RGS20: variants seen among roughly 807,000 people sequenced by gnomAD.
The protein encoded by RGS20 is gz-selective GTPase-activating protein.
Under a neutral mutation model 33.6 loss-of-function variants are expected in RGS20, and 30 were observed. The ratio of observed to expected loss-of-function variants is 0.89; its 90% CI spans 0.67 to 1.21. RGS20 has a LOEUF of 1.21. Among genes scored for constraint, RGS20 ranks in the 50% most tolerant of loss-of-function variants. The pLI, the probability that RGS20 is intolerant of heterozygous loss-of-function variation, is 0.00. For synonymous variants in RGS20, 208 were observed against 197.9 expected (o/e 1.05, Z -0.43); for missense variants, 472 against 502.4 (o/e 0.94, Z 0.58).
intron 1 of RGS20, among the ~76,000 whole-genome samples, chr8:53,861,794 A>G (rs1427326545): frequency 6.6e-6 from 1 of 152,242 alleles, no homozygotes; most frequent in Non-Finnish European, 1.5e-5. Flanking sequence ...AAATCCAGGT[A>G]CTATTGCTTC....
chr8:53,910,103 T>C (rs1232213357), intron 2 of RGS20, among the ~76,000 whole-genome samples: 1 of 152,214 alleles, frequency 6.6e-6, no homozygotes, highest in East Asian at 1.9e-4. Flanking sequence ...GATACATTAT[T>C]AGTTCTTTAA....
chr8:53,877,959 G>A lies in RGS20; in HGVS notation c.166-1299G>A, dbSNP rs1017059965. 6.6e-6 allele frequency among the ~76,000 whole-genome samples: 1 copy of A among 152,170 alleles called. No homozygotes were observed. The highest frequency in any genetic ancestry group is 2.1e-4 in the South Asian group (1 of 4,826). On this transcript the variant is annotated intron_variant, in intron 1 of 5. Coordinates refer to ENST00000297313, the MANE Select transcript of RGS20 (RefSeq NM_170587.4). This position sits in a 1 kb window ranked among gnomAD's most constrained non-coding sequence, Gnocchi z 5.7. ...GGTGACTGCGGAGTGAGGGAACCGCGCCAGGCCCACGAGGCCGCTCGCGAC... is the reference window on the plus strand; with the variant it reads ...GGTGACTGCGGAGTGAGGGAACCGCACCAGGCCCACGAGGCCGCTCGCGAC...
intron 4 of RGS20, among the ~76,000 whole-genome samples, chr8:53,953,666 A>G (rs989280599): frequency 2.0e-5 from 3 of 152,224 alleles, no homozygotes; most frequent in Non-Finnish European, 4.4e-5. Context: ...CTATTGTTCC[A>G]GAGGTTTAAT....
intron 2 of RGS20, among the ~76,000 whole-genome samples, chr8:53,920,741 A>T (rs555353516): frequency 1.3e-5 from 2 of 152,126 alleles, no homozygotes; most frequent in East Asian, 3.9e-4. Flanking sequence ...TTTATCATGA[A>T]ATGCATTAGA....
chr8:53,903,662 C>T (rs1417999752), intron 2 of RGS20, among the ~76,000 whole-genome samples: 1 of 152,178 alleles, frequency 6.6e-6, no homozygotes, highest in African/African-American at 2.4e-5. Flanking sequence ...TGTCCCTTGG[C>T]CTTGCCTACC....
At chr8:53,880,541 C>G (rs1009545489) in intron 2 of RGS20, among the ~76,000 whole-genome samples, 1 of 152,150 alleles carries the variant, frequency 6.6e-6, no homozygotes, top group African/African-American at 2.4e-5. Context: ...CGCCCACCCC[C>G]GCTCCTTCCT....
At position 53,909,654 on chromosome 8, in the gene RGS20, A is replaced by G. The variant is rs146072432; in HGVS notation, c.511-29922A>G. On this transcript the variant is annotated intron_variant, in intron 2 of 5. Coordinates refer to ENST00000297313, the MANE Select transcript of RGS20 (RefSeq NM_170587.4). Reference sequence around the variant, plus strand: ...AATTTGGAGATATATTAATGTTCCTATGGCAGAATGATATCATAGTCCTGG... The same window carrying G: ...AATTTGGAGATATATTAATGTTCCTGTGGCAGAATGATATCATAGTCCTGG... 1.5e-3 allele frequency among the ~76,000 whole-genome samples: 228 copies of G among 152,312 alleles called. 1 individual carries two copies. Among genetic ancestry groups the G allele is most frequent in the Admixed American group, 4.6e-3 (71 of 15,300 alleles).
chr8:53,953,300 C>T (rs118149714), intron 4 of RGS20, among the ~76,000 whole-genome samples: 3 of 152,136 alleles, frequency 2.0e-5, no homozygotes, highest in Non-Finnish European at 4.4e-5. Context: ...GTGGGCAGAT[C>T]GCTTGAGCCC....
chr8:53,888,197 T>C (rs531744022), intron 2 of RGS20, among the ~76,000 whole-genome samples: 13 of 152,306 alleles, frequency 8.5e-5, no homozygotes, highest in Admixed American at 3.3e-4. Flanking sequence ...AGTTTAATTC[T>C]TCCTGACCTA....
chr8:53,933,868 G>A (rs1814048500), intron 2 of RGS20, among the ~76,000 whole-genome samples: 2 of 152,130 alleles, frequency 1.3e-5, no homozygotes, highest in Non-Finnish European at 2.9e-5. Flanking sequence ...GAAAGGTCGG[G>A]TTACCCACAA....
Position 53,939,578 on chromosome 8 carries a change from G to C in RGS20, c.513G>C (p.Gln171His). The change falls in exon 3 of 6, where the codon CAG becomes CAC. Residue 171 changes from glutamine to histidine, a missense_variant and splice_region_variant. Transcript: ENST00000297313. The stretch of plus-strand genomic sequence containing the variant: ...CTTTGTTCCTCTCCCTCTTGCAGCA[G>C]ATGGGATCAGAGCGGATGGAGATGC... 1 of 1,564,368 alleles carries C rather than the reference G, an allele frequency of 6.4e-7. No homozygotes were observed. Among genetic ancestry groups the C allele is most frequent in the Non-Finnish European group, 8.7e-7 (1 of 1,153,846 alleles).
intron 1 of RGS20, among the ~76,000 whole-genome samples, chr8:53,858,693 T>C (rs1016231696): frequency 4.0e-4 from 61 of 151,878 alleles, no homozygotes; most frequent in African/African-American, 1.4e-3. Flanking sequence ...ATGATACTGA[T>C]TCACCCTGGA....
intron 1 of RGS20, among the ~76,000 whole-genome samples, chr8:53,865,106 CTATAAAGCCCAGGCA>C (rs1372361832): frequency 6.6e-6 from 1 of 152,220 alleles, no homozygotes; most frequent in Non-Finnish European, 1.5e-5. Context: ...ACTGGAAAAG[CTATAAAGCCCAGGCA>C]GCCTTCCTGG....
At chr8:53,936,501 T>G (rs994167129) in intron 2 of RGS20, among the ~76,000 whole-genome samples, 15 of 152,076 alleles carry the variant, frequency 9.9e-5, no homozygotes, top group Non-Finnish European at 2.1e-4. Flanking sequence ...GATTCACAAT[T>G]GCTTCAAAGA....
At chr8:53,947,924 T>C (rs1814567950) in intron 4 of RGS20, among the ~76,000 whole-genome samples, 1 of 137,494 alleles carries the variant, frequency 7.3e-6, no homozygotes, top group Non-Finnish European at 1.5e-5. Context: ...TATATATATT[T>C]ACATATGCTA....
At chr8:53,901,849 C>T (rs1027856346) in intron 2 of RGS20, among the ~76,000 whole-genome samples, 2 of 152,100 alleles carry the variant, frequency 1.3e-5, no homozygotes, top group Non-Finnish European at 2.9e-5. Context: ...CAGAGTGAGA[C>T]CCTGTCCCTT....
chr8:53,940,335 G>T (rs1250124414), intron 3 of RGS20, among the ~76,000 whole-genome samples: 1 of 152,174 alleles, frequency 6.6e-6, no homozygotes, highest in Non-Finnish European at 1.5e-5. Flanking sequence ...TGGAGAAAAG[G>T]AGATAATTTA....
At position 53,958,286 on chromosome 8, in the gene RGS20, G is replaced by A. The variant is rs367831418; in HGVS notation, c.995G>A (p.Arg332Gln). ...TGTCGACAGGTGAGCTTAGACTCCC[G>A]GGTGAGAGAAGTGATCAACAGAAAC... The change falls in exon 6 of 6, where the codon CGG becomes CAG. Residue 332 changes from arginine to glutamine, a missense_variant. Physicochemically the swap from Arg to Gln is conservative, Grantham distance 43. Coordinates refer to ENST00000297313, the MANE Select transcript of RGS20 (RefSeq NM_170587.4). 52 of 1,611,636 alleles carry A rather than the reference G, an allele frequency of 3.2e-5. No homozygotes were observed. In the East Asian group the frequency reaches 5.8e-4, roughly 18 times the overall value.
At chr8:53,942,011 C>T (rs146870420) in intron 3 of RGS20, among the ~76,000 whole-genome samples, 1,701 of 152,278 alleles carry the variant, frequency 0.011, 12 homozygotes, top group Middle Eastern at 0.017. Flanking sequence ...CGGTGGCTCA[C>T]GCCTGTAATC....
Sources: gnomAD v4.1 joint callset for allele counts (sites outside exome capture counted in the v4.1 genomes callset) on GRCh38, gnomAD v4.1.1 for gene constraint, Gnocchi (gnomAD v3.1) non-coding constraint, MANE v1.5 for transcripts, NCBI Gene and HGNC (gene_info 2026-07-23, HGNC 2026-07-21) for gene names.